The following MAP2K1 variants were observed in gnomAD, a reference collection of about 807,000 sequenced individuals.
MAP2K1 encodes the protein dual specificity mitogen-activated protein kinase kinase 1.
MAP2K1 carries 16 observed loss-of-function variants against 46.3 expected under a neutral mutation model. The ratio of observed to expected loss-of-function variants is 0.35; its 90% CI spans 0.23 to 0.52. The LOEUF (loss-of-function observed/expected upper bound fraction) is 0.52. Among genes scored for constraint, MAP2K1 ranks in the 20% least tolerant of loss-of-function variants. The pLI is 0.94. For missense variants in MAP2K1, 263 were observed against 497.1 expected, an observed-to-expected ratio of 0.53 and a Z score of 4.48; for synonymous variants, 183 against 185.6, an observed-to-expected ratio of 0.99 and a Z score of 0.11.
chr15:66,479,628 A>G (rs1892865229), intron 5 of MAP2K1, among the ~76,000 whole-genome samples: 1 of 152,194 alleles, frequency 6.6e-6, no homozygotes, highest in African/African-American at 2.4e-5. Flanking sequence ...TACACCAGTG[A>G]TGCAGTGTGT....
At chr15:66,449,286 C>G (rs1008782803) in intron 5 of MAP2K1, among the ~76,000 whole-genome samples, 8 of 152,068 alleles carry the variant, frequency 5.3e-5, no homozygotes, top group African/African-American at 1.7e-4. Flanking sequence ...TGGAGTACAA[C>G]TCAGGAATAA....
intron 6 of MAP2K1, among the ~76,000 whole-genome samples, chr15:66,483,138 C>T (rs569169315): frequency 1.3e-5 from 2 of 152,332 alleles, no homozygotes; most frequent in South Asian, 2.1e-4. Context: ...GCCAGGCAGA[C>T]GCCCTTTGCA....
intron 5 of MAP2K1, among the ~76,000 whole-genome samples, chr15:66,468,515 T>TA (rs1330481682): frequency 6.6e-6 from 1 of 152,202 alleles, no homozygotes; most frequent in Non-Finnish European, 1.5e-5. Context: ...TAGGATTGTA[T>TA]AAGGAGACCA....
intron 5 of MAP2K1, among the ~76,000 whole-genome samples, chr15:66,452,940 T>G (rs575245402): frequency 6.6e-6 from 1 of 152,350 alleles, no homozygotes; most frequent in Admixed American, 6.5e-5. Flanking sequence ...TGTGTATATA[T>G]CTTCAGTCCT....
intron 7 of MAP2K1, 22 bp downstream of exon 7, chr15:66,485,213 C>T (rs368261483): frequency 3.7e-6 from 6 of 1,606,420 alleles, no homozygotes; most frequent in Admixed American, 1.7e-5. Context: ...GGTGTGTCCC[C>T]ATCTTGGACT....
chr15:66,427,060 CG>C (rs2093461105), intron 1 of MAP2K1, among the ~76,000 whole-genome samples: 1 of 152,096 alleles, frequency 6.6e-6, no homozygotes, highest in Non-Finnish European at 1.5e-5. Flanking sequence ...TTTGAGAATG[CG>C]TAAGTTCCGG....
intron 1 of MAP2K1, among the ~76,000 whole-genome samples, chr15:66,421,558 T>G (rs956901770): frequency 6.6e-6 from 1 of 151,830 alleles, no homozygotes; most frequent in African/African-American, 2.4e-5. Context: ...CTCAGCACTT[T>G]GGGAGGCCGA....
chr15:66,448,946 G>A (rs1319176800), intron 5 of MAP2K1, among the ~76,000 whole-genome samples: 1 of 138,618 alleles, frequency 7.2e-6, no homozygotes, highest in Non-Finnish European at 1.5e-5. Flanking sequence ...AGAAGTTGCA[G>A]TGAGCTGAGA....
chr15:66,489,239 G>A lies in MAP2K1; in HGVS notation c.985G>A (p.Val329Met). 6.2e-7 allele frequency: 1 copy of A among 1,614,108 alleles called. No homozygotes were observed. The highest frequency in any genetic ancestry group is 8.5e-7 in the Non-Finnish European group (1 of 1,179,972). ...NEPPPKLPSG[V>M]FSLEFQDFVN... ...GCCTCCTCCAAAACTGCCCAGTGGAGTGTTCAGTCTGGAATTTCAAGATTT... is the reference window on the plus strand; with the variant it reads ...GCCTCCTCCAAAACTGCCCAGTGGAATGTTCAGTCTGGAATTTCAAGATTT... Residue 329 changes from valine (V) to methionine (M), a missense_variant, in exon 9 of 11, where the codon GTG (valine) becomes ATG (methionine). Around this residue, in one of 4 missense-constraint regions of MAP2K1, gnomAD observed 118 missense variants for 193.0 expected, o/e 0.61. Transcript: ENST00000307102.
intron 1 of MAP2K1, among the ~76,000 whole-genome samples, chr15:66,387,935 G>T (rs940549446): frequency 1.3e-5 from 2 of 152,200 alleles, no homozygotes; most frequent in African/African-American, 2.4e-5. Flanking sequence ...TGGCCAGCGG[G>T]GGCGTGCTGG....
At chr15:66,467,451 A>G (rs1892495645) in intron 5 of MAP2K1, among the ~76,000 whole-genome samples, 1 of 152,230 alleles carries the variant, frequency 6.6e-6, no homozygotes, top group Non-Finnish European at 1.5e-5. Flanking sequence ...CTGCCTGGGG[A>G]CTAGGCTGCC....
chr15:66,400,396 A>G (rs183088979), intron 1 of MAP2K1, among the ~76,000 whole-genome samples: 3 of 152,308 alleles, frequency 2.0e-5, no homozygotes, highest in Admixed American at 2.0e-4. Flanking sequence ...ATTCCACCAC[A>G]TCCCCCTGAA....
intron 7 of MAP2K1, among the ~76,000 whole-genome samples, chr15:66,486,725 T>A (rs529600364): frequency 1.7e-4 from 26 of 152,070 alleles, no homozygotes; most frequent in African/African-American, 6.0e-4. Context: ...CTCCATGAGG[T>A]CCACATGAGA....
intron 1 of MAP2K1, among the ~76,000 whole-genome samples, chr15:66,434,433 GT>G (rs1407337566): frequency 6.6e-6 from 1 of 152,158 alleles, no homozygotes; most frequent in African/African-American, 2.4e-5. Flanking sequence ...CTTGCCCTAT[GT>G]TAAAGAATGG....
At chr15:66,438,947 G>C (rs8036023) in intron 3 of MAP2K1, among the ~76,000 whole-genome samples, 46,525 of 152,058 alleles carry the variant, frequency 0.31, 7,571 homozygotes, top group Admixed American at 0.39. Context: ...TAGTCAGTCA[G>C]TGGTAGTGAA....
chr15:66,392,184 GTTGACCTTCAAGGAGGGCA>G (rs1484125672), intron 1 of MAP2K1, among the ~76,000 whole-genome samples: 6 of 147,816 alleles, frequency 4.1e-5, no homozygotes, highest in Non-Finnish European at 1.5e-5. Context: ...ATGTGGCCAT[GTTGACCTTCAAGGAGGGCA>G]GTGACCTTTT....
chr15:66,432,736 G>C (rs551152800), intron 1 of MAP2K1, among the ~76,000 whole-genome samples: 1 of 152,200 alleles, frequency 6.6e-6, no homozygotes, highest in Non-Finnish European at 1.5e-5. Context: ...TAAGACATTC[G>C]TTCTCTCTGC....
intron 1 of MAP2K1, among the ~76,000 whole-genome samples, chr15:66,418,216 C>T (rs892966752): frequency 1.3e-5 from 2 of 152,134 alleles, no homozygotes; most frequent in East Asian, 1.9e-4. Flanking sequence ...AAGTCATTTG[C>T]GGCCTATGAC....
chr15:66,457,787 C>T (rs1311965997), intron 5 of MAP2K1, among the ~76,000 whole-genome samples: 6 of 151,716 alleles, frequency 4.0e-5, no homozygotes, highest in East Asian at 1.9e-4. Flanking sequence ...TGTGGTGAAA[C>T]CCCGTCTCTA....
Sources: gnomAD v4.1 joint callset for allele counts (sites outside exome capture counted in the v4.1 genomes callset) on GRCh38, gnomAD v4.1.1 for gene constraint, gnomAD v4.1.1 regional missense constraint, MANE v1.5 for transcripts, NCBI Gene and HGNC (gene_info 2026-07-23, HGNC 2026-07-21) for gene names.